MAST2: variants seen among roughly 807,000 people sequenced by gnomAD.
MAST2 encodes the protein microtubule associated serine/threonine kinase 2, also known as microtubule-associated serine/threonine-protein kinase 2.
Under a neutral mutation model 147.4 loss-of-function variants are expected in MAST2, and 70 were observed. The ratio of observed to expected loss-of-function variants is 0.47; its 90% CI spans 0.39 to 0.58. MAST2 has a LOEUF of 0.58. MAST2 is among the 20% of genes least tolerant of loss of function. MAST2 has a pLI of 0.00. For missense variants in MAST2, 2,080 were observed against 2,302.3 expected (o/e 0.90, Z 1.98); for synonymous variants, 869 against 896.8 (o/e 0.97, Z 0.55).
At chr1:45,907,604 A>G (rs1043395346) in intron 4 of MAST2, among the ~76,000 whole-genome samples, 8 of 151,968 alleles carry the variant, frequency 5.3e-5, no homozygotes, top group Non-Finnish European at 1.0e-4. Flanking sequence ...ATTTTTAAGT[A>G]TACAATGTAA....
intron 6 of MAST2, among the ~76,000 whole-genome samples, chr1:45,998,860 T>C (rs1303620282): frequency 6.6e-6 from 1 of 152,036 alleles, no homozygotes; most frequent in Non-Finnish European, 1.5e-5. Flanking sequence ...CCCGAGTAGC[T>C]GGGACTACAG....
intron 1 of MAST2, among the ~76,000 whole-genome samples, chr1:45,815,248 C>T (rs1644418221): frequency 6.6e-6 from 1 of 151,142 alleles, no homozygotes; most frequent in African/African-American, 2.4e-5. Flanking sequence ...CGGTTCACTG[C>T]AACCTCTGCC....
chr1:45,822,187 C>T (rs1217407172), intron 1 of MAST2, among the ~76,000 whole-genome samples: 2 of 152,058 alleles, frequency 1.3e-5, no homozygotes, highest in African/African-American at 2.4e-5. Flanking sequence ...CCGTGCCTGG[C>T]TATTTTCAGT....
At chr1:45,966,424 A>T (rs1414606823) in intron 5 of MAST2, among the ~76,000 whole-genome samples, 2 of 132,100 alleles carry the variant, frequency 1.5e-5, no homozygotes, top group Admixed American at 1.5e-4. Flanking sequence ...TGATTTTGTA[A>T]AAAAAAAAAA....
intron 4 of MAST2, among the ~76,000 whole-genome samples, chr1:45,958,508 C>T (rs1301973720): frequency 6.6e-6 from 1 of 150,988 alleles, no homozygotes; most frequent in African/African-American, 2.4e-5. Context: ...TTCTCCCTCT[C>T]CCTCCCTCCC....
intron 4 of MAST2, among the ~76,000 whole-genome samples, chr1:45,909,399 T>C (rs1651301812): frequency 6.6e-6 from 1 of 152,190 alleles, no homozygotes; most frequent in Non-Finnish European, 1.5e-5. Flanking sequence ...ACCTATAAAT[T>C]TTCCATTGTT....
At chr1:45,834,934 T>C (rs1645060031) in intron 3 of MAST2, among the ~76,000 whole-genome samples, 1 of 152,134 alleles carries the variant, frequency 6.6e-6, no homozygotes, top group Admixed American at 6.5e-5. Context: ...TCCTTGTTCA[T>C]TCCCTGTCTT....
chr1:45,838,127 A>G (rs996628382), intron 3 of MAST2, among the ~76,000 whole-genome samples: 5 of 150,306 alleles, frequency 3.3e-5, no homozygotes, highest in African/African-American at 4.9e-5. Context: ...GGAGTTTCTC[A>G]TTGTGGTTTT....
intron 3 of MAST2, among the ~76,000 whole-genome samples, chr1:45,831,224 C>G (rs992485541): frequency 3.3e-5 from 5 of 152,110 alleles, no homozygotes; most frequent in African/African-American, 1.2e-4. Context: ...ACACTGTTCC[C>G]TCTATCCTTA....
chr1:46,030,232 C>A lies in MAST2; in HGVS notation c.2547C>A (p.Phe849Leu). ...AGTTCTCTTCCTGCTCTCCAAGGTT[C>A]AACAAGGTGTGACTGAGGAGGCCCA... ...IRQFSSCSPRFNKVYSSMERL... is the reference protein window; with the variant it reads ...IRQFSSCSPRLNKVYSSMERL... Residue 849 changes from phenylalanine to leucine, a missense_variant, in exon 21 of 29, where the codon TTC becomes TTA. Physicochemically the swap from Phe to Leu is conservative, Grantham distance 22 (BLOSUM62 0). Around this residue, in one of 4 missense-constraint regions of MAST2, gnomAD observed 1,278 missense variants for 1,304.2 expected, o/e 0.98. Coordinates refer to ENST00000361297, the MANE Select transcript of MAST2 (RefSeq NM_015112.3). The A allele has an allele frequency of 6.2e-7, 1 of 1,613,938 alleles. No homozygotes were observed. Among genetic ancestry groups the A allele is most frequent in the South Asian group, 1.1e-5 (1 of 91,030 alleles).
Position 45,921,978 on chromosome 1 carries a change from A to G in MAST2, c.501-37408A>G, listed in dbSNP as rs577228035. 5.3e-5 allele frequency among the ~76,000 whole-genome samples: 8 copies of G among 152,334 alleles called. No homozygotes were observed. The South Asian group carries it at 1.2e-3, about 24-fold the overall frequency. On this transcript the variant is annotated intron_variant, in intron 4 of 28. Transcript: ENST00000361297. ...ACAAAGGGGAACTTTATTGAGTGAT[A>G]TAATAGCTTAGAGGGGACCCGCAGT...
chr1:45,863,521 A>AT (rs1400869821), intron 3 of MAST2, among the ~76,000 whole-genome samples: 2 of 152,192 alleles, frequency 1.3e-5, no homozygotes, highest in African/African-American at 4.8e-5. Flanking sequence ...TGAAAGGGAC[A>AT]TGGATCCTGT....
intron 3 of MAST2, among the ~76,000 whole-genome samples, chr1:45,849,920 A>G (rs11211203): frequency 0.45 from 67,664 of 151,980 alleles, 15,273 homozygotes; most frequent in East Asian, 0.62. Flanking sequence ...ATGTGAGTAC[A>G]TGTGTCTTTT....
intron 5 of MAST2, among the ~76,000 whole-genome samples, chr1:45,976,903 G>C (rs1251457200): frequency 6.6e-6 from 1 of 152,136 alleles, no homozygotes; most frequent in Admixed American, 6.5e-5. Context: ...AGAGTTAGGG[G>C]GAGGAAGACG....
At chr1:45,859,219 T>G (rs1645896926) in intron 3 of MAST2, among the ~76,000 whole-genome samples, 1 of 152,162 alleles carries the variant, frequency 6.6e-6, no homozygotes, top group African/African-American at 2.4e-5. Flanking sequence ...CTCAGCCTGA[T>G]GAGTAGCTGG....
At chr1:45,930,265 G>A (rs1410198238) in intron 4 of MAST2, among the ~76,000 whole-genome samples, 1 of 152,078 alleles carries the variant, frequency 6.6e-6, no homozygotes, top group East Asian at 1.9e-4. Context: ...ATTTTTAGTA[G>A]AGACGGGGTT....
At chr1:45,899,428 C>A (rs1570615896) in intron 4 of MAST2, among the ~76,000 whole-genome samples, 1 of 145,880 alleles carries the variant, frequency 6.9e-6, no homozygotes, top group East Asian at 2.2e-4. Flanking sequence ...GAACATAATA[C>A]TCAATAGGTA....
chr1:45,920,473 A>G (rs912424151), intron 4 of MAST2, among the ~76,000 whole-genome samples: 3 of 152,038 alleles, frequency 2.0e-5, no homozygotes, highest in African/African-American at 7.2e-5. Flanking sequence ...TCTGCAAACT[A>G]TTGTTTCATA....
Position 45,959,454 on chromosome 1 carries a change from A to G in MAST2, c.569A>G (p.His190Arg), listed in dbSNP as rs1461692870. Residue 190 changes from histidine (H) to arginine (R), a missense_variant, in exon 5 of 29, where the codon CAC (histidine) becomes CGC (arginine). By Grantham distance (29) the His-to-Arg change is conservative. Coordinates refer to ENST00000361297, the MANE Select transcript of MAST2 (RefSeq NM_015112.3). ...SSTSPTLPRP[H>R]SPLHGHTGNS... ...ACATCACCTACACTACCACGGCCACACTCACCACTCCATGGCCACACAGGT... is the reference window on the plus strand; with the variant it reads ...ACATCACCTACACTACCACGGCCACGCTCACCACTCCATGGCCACACAGGT... The G allele has an allele frequency of 6.2e-7, 1 of 1,613,600 alleles. No individual in the cohort carries two copies. Among genetic ancestry groups the G allele is most frequent in the Non-Finnish European group, 8.5e-7 (1 of 1,179,790 alleles).
Sources: gnomAD v4.1 joint callset for allele counts (sites outside exome capture counted in the v4.1 genomes callset) on GRCh38, gnomAD v4.1.1 for gene constraint, gnomAD v4.1.1 regional missense constraint, MANE v1.5 for transcripts, NCBI Gene and HGNC (gene_info 2026-07-23, HGNC 2026-07-21) for gene names.